The following CNTN4 variants were observed in gnomAD, a reference collection of about 807,000 sequenced individuals.
The protein encoded by CNTN4 is contactin 4, also known as contactin-4.
CNTN4 carries 77 observed loss-of-function variants against 122.5 expected under a neutral mutation model. That is an observed-to-expected ratio of 0.63 (90% CI 0.52 to 0.76). The LOEUF is 0.76. CNTN4 is among the 30% of genes least tolerant of loss of function. CNTN4 has a pLI of 0.00. For missense variants in CNTN4, 1,256 were observed against 1,259.1 expected (o/e 1.00, Z 0.04); for synonymous variants, 512 against 447.0 (o/e 1.15, Z -1.83).
chr3:2,489,602 T>G (rs931478092), intron 3 of CNTN4, among the ~76,000 whole-genome samples: 1 of 152,192 alleles, frequency 6.6e-6, no homozygotes, highest in East Asian at 1.9e-4. Flanking sequence ...GGGAGAGTTA[T>G]GTAGTAATTT....
intron 6 of CNTN4, among the ~76,000 whole-genome samples, chr3:2,796,641 A>G (rs1914012): frequency 0.34 from 51,073 of 152,106 alleles, 8,885 homozygotes; most frequent in Non-Finnish European, 0.39. Flanking sequence ...AGATGAATAC[A>G]CATTACCAGT....
At chr3:2,628,304 A>G (rs2082287811) in intron 4 of CNTN4, among the ~76,000 whole-genome samples, 1 of 152,164 alleles carries the variant, frequency 6.6e-6, no homozygotes, top group African/African-American at 2.4e-5. Context: ...GCCAGGTAGG[A>G]GGTGCCGCAG....
At chr3:2,481,737 G>T (rs2076012811) in intron 3 of CNTN4, among the ~76,000 whole-genome samples, 1 of 151,940 alleles carries the variant, frequency 6.6e-6, no homozygotes, top group South Asian at 2.1e-4. Flanking sequence ...TCATGGGGGT[G>T]GTTCTCCTAT....
At chr3:2,847,685 T>C (rs2093477953) in intron 7 of CNTN4, among the ~76,000 whole-genome samples, 3 of 152,106 alleles carry the variant, frequency 2.0e-5, no homozygotes. Flanking sequence ...GCCTAGTAAA[T>C]ATCAGGGGAA....
At chr3:2,111,864 T>C (rs1301683007) in intron 2 of CNTN4, among the ~76,000 whole-genome samples, 1 of 152,150 alleles carries the variant, frequency 6.6e-6, no homozygotes, top group Non-Finnish European at 1.5e-5. Context: ...ATTTATTCAA[T>C]ATGATGCTTG....
intron 8 of CNTN4, among the ~76,000 whole-genome samples, chr3:2,871,192 T>C (rs1230927504): frequency 1.3e-5 from 2 of 152,158 alleles, no homozygotes; most frequent in South Asian, 2.1e-4. Flanking sequence ...TTGTACTTAG[T>C]TTTCTCATCA....
intron 2 of CNTN4, among the ~76,000 whole-genome samples, chr3:2,288,708 A>G (rs1435730253): frequency 6.6e-6 from 1 of 152,232 alleles, no homozygotes; most frequent in Non-Finnish European, 1.5e-5. Context: ...ATGAAAATGT[A>G]TGTTATCAAA....
rs546085611 is a variant in CNTN4 at position 2,117,530 on chromosome 3, TG to T, written c.-145+16896del. Reference sequence around the variant, plus strand: ...CAGTCCCTCTTTCCTTCCAGGAGGTTGGGGGAGGGGGCTGAAAGTCCCAACC... The same window carrying T: ...CAGTCCCTCTTTCCTTCCAGGAGGTTGGGGAGGGGGCTGAAAGTCCCAACC... On this transcript the variant is annotated intron_variant, in intron 2 of 24. Transcript: ENST00000418658. 4.2e-3 allele frequency among the ~76,000 whole-genome samples: 641 copies of T among 152,278 alleles called. 2 individuals are homozygous for T. Among genetic ancestry groups the T allele is most frequent in the African/African-American group, 0.015 (611 of 41,560 alleles).
chr3:2,275,855 G>A (rs898977698), intron 2 of CNTN4, among the ~76,000 whole-genome samples: 4 of 147,936 alleles, frequency 2.7e-5, no homozygotes, highest in African/African-American at 1.0e-4. Context: ...GGGAGGTATA[G>A]GTTGCAGTGA....
chr3:2,808,701 A>G (rs997526206), intron 6 of CNTN4, among the ~76,000 whole-genome samples: 2 of 152,186 alleles, frequency 1.3e-5, no homozygotes, highest in Admixed American at 6.5e-5. Context: ...TTATTTTGCA[A>G]AGCAATAACT....
At chr3:2,470,089 A>T (rs1212400782) in intron 3 of CNTN4, among the ~76,000 whole-genome samples, 1 of 150,754 alleles carries the variant, frequency 6.6e-6, no homozygotes, top group African/African-American at 2.4e-5. Flanking sequence ...TTTTGGAGAC[A>T]GGGTCTCGCT....
chr3:2,915,727 A>C (rs540786704), intron 12 of CNTN4, among the ~76,000 whole-genome samples: 6 of 152,342 alleles, frequency 3.9e-5, no homozygotes, highest in African/African-American at 1.4e-4. Context: ...TGAAAACAGC[A>C]TCCTGAAGAG....
intron 2 of CNTN4, among the ~76,000 whole-genome samples, chr3:2,300,560 C>CTTTTTTTT (rs575192976): frequency 1.1e-4 from 7 of 62,020 alleles, no homozygotes; most frequent in Non-Finnish European, 2.0e-4. Context: ...CAGTGACCGT[C>CTTTTTTTT]TTTTTTTTTT....
intron 2 of CNTN4, among the ~76,000 whole-genome samples, chr3:2,248,076 C>T (rs576906418): frequency 6.1e-4 from 92 of 151,900 alleles, no homozygotes; most frequent in Admixed American, 2.3e-3. Context: ...GGTTGTAAGC[C>T]GTGTGAATGC....
chr3:2,164,084 G>A (rs2036082350), intron 2 of CNTN4, among the ~76,000 whole-genome samples: 1 of 152,004 alleles, frequency 6.6e-6, no homozygotes, highest in African/African-American at 2.4e-5. Context: ...TACACTGCTT[G>A]GGTGATGAGT....
intron 3 of CNTN4, among the ~76,000 whole-genome samples, chr3:2,379,296 C>T (rs2045933864): frequency 6.6e-6 from 1 of 150,772 alleles, no homozygotes; most frequent in African/African-American, 2.4e-5. Context: ...TAAGCTTTAC[C>T]CTGCAGATGG....
chr3:2,315,811 A>G (rs891813311), intron 2 of CNTN4, among the ~76,000 whole-genome samples: 6 of 152,070 alleles, frequency 3.9e-5, no homozygotes, highest in Non-Finnish European at 7.4e-5. Flanking sequence ...TTATGTTACT[A>G]TCTATATAAA....
In CNTN4 at chr3:3,043,580, AT is replaced by A. The variant is rs763481067; in HGVS notation, c.2699-5del. The stretch of plus-strand genomic sequence containing the variant: ...ATAATCTGTGACTTCGTATATCTTA[AT>A]TTTTTTATAGCACCAAGTCAACCCC... On this transcript the variant is annotated splice_polypyrimidine_tract_variant and intron_variant, in intron 22 of 24. Transcript: ENST00000418658. 88 of 1,585,756 alleles carry A rather than the reference AT, an allele frequency of 5.5e-5. No homozygotes were observed. The highest frequency in any genetic ancestry group is 7.5e-5 in the Non-Finnish European group (86 of 1,154,314).
intron 4 of CNTN4, among the ~76,000 whole-genome samples, chr3:2,640,149 C>A (rs927522957): frequency 1.3e-5 from 2 of 152,160 alleles, no homozygotes; most frequent in African/African-American, 4.8e-5. Context: ...GCTTTTCATG[C>A]AAGCTTTGTA....
Sources: allele counts gnomAD v4.1 joint callset (sites outside exome capture counted in the v4.1 genomes callset), GRCh38; gene constraint gnomAD v4.1.1; transcripts MANE v1.5; gene names NCBI Gene and HGNC (gene_info 2026-07-23, HGNC 2026-07-21).